Variants in LILRA1 observed in about 807,000 individuals in gnomAD.
LILRA1 encodes the protein leukocyte immunoglobulin like receptor A1.
In LILRA1, 51 loss-of-function variants were observed where a neutral mutation model predicts 51.6. That is an observed-to-expected ratio of 0.99 (90% CI 0.79 to 1.25). The LOEUF is 1.25. LILRA1 is among the 50% of genes most tolerant of loss of function. The pLI, the probability that LILRA1 is intolerant of heterozygous loss-of-function variation, is 0.00. For synonymous variants in LILRA1, 305 were observed against 248.4 expected, an observed-to-expected ratio of 1.23 and a Z score of -2.14; for missense variants, 660 against 611.7, an observed-to-expected ratio of 1.08 and a Z score of -0.83.
At chr19:54,595,040 C>T (rs1600262411) in intron 4 of LILRA1, 60 bp from the exon 5 acceptor site, 1 of 1,601,224 alleles carries the variant, frequency 6.2e-7, no homozygotes, top group African/African-American at 1.3e-5. Flanking sequence ...CACAGCCCAG[C>T]CCTGGGGATG....
chr19:54,594,520 G>A (rs1287066621), intron 3 of LILRA1, 44 bp downstream of exon 3: 2 of 1,613,926 alleles, frequency 1.2e-6, no homozygotes, highest in East Asian at 2.2e-5. Flanking sequence ...TCCTCACTGG[G>A]GACAAGGGGC....
rs140811175 is a variant in LILRA1 at position 54,596,432 on chromosome 19, T to G, written c.1202T>G (p.Leu401Arg). The G allele has an allele frequency of 4.2e-4, 675 of 1,613,992 alleles. No homozygotes were observed. The highest frequency in any genetic ancestry group is 5.2e-4 in the Non-Finnish European group (612 of 1,180,020). ...GGGACCTACAGGTGCTACGGCTCACTCAGCTCCAACCCCTACCTGCTGTCT... is the reference window on the plus strand; with the variant it reads ...GGGACCTACAGGTGCTACGGCTCACGCAGCTCCAACCCCTACCTGCTGTCT... The part of the protein sequence containing the change: ...HSGTYRCYGS[L>R]SSNPYLLSHP... The change falls in exon 7 of 10, where the codon CTC (leucine) becomes CGC (arginine). Residue 401 changes from leucine to arginine, a missense_variant. Leu to Arg is a moderately radical substitution (Grantham distance 102). Transcript: ENST00000251372.
Position 54,595,093 on chromosome 19 carries a change from C to G in LILRA1, c.359-7C>G, listed in dbSNP as rs369850941. The G allele has an allele frequency of 2.8e-5, 45 of 1,611,612 alleles. No homozygotes were observed. The African/African-American group carries it at 5.5e-4, about 20-fold the overall frequency. ...CCCATTTAACATGGTGCCTCCTTCT[C>G]TCCTAGGAGCCTACATCAAACCCAC... On this transcript the variant is annotated splice_polypyrimidine_tract_variant and splice_region_variant and intron_variant, in intron 4 of 9. Transcript: ENST00000251372.
intron 7 of LILRA1, among the ~76,000 whole-genome samples, chr19:54,596,759 C>T (rs553825327): frequency 5.3e-5 from 8 of 152,080 alleles, no homozygotes; most frequent in South Asian, 2.1e-4. Context: ...CCCAGGTACT[C>T]GGGAGGCTGA....
intron 7 of LILRA1, among the ~76,000 whole-genome samples, chr19:54,597,463 T>A (rs1435969181): frequency 7.3e-5 from 11 of 151,714 alleles, no homozygotes; most frequent in African/African-American, 2.4e-4. Context: ...CATAACAAAA[T>A]CTCTCCAATT....
In LILRA1 at chr19:54,593,718, T is replaced by G; in HGVS notation, c.-112T>G. 1.8e-6 allele frequency: 1 copy of G among 542,440 alleles called. No homozygotes were observed. The allele number at this position is 542,440 out of a possible 1,614,324, so 33.6% of individuals were successfully genotyped here. A position where few individuals can be genotyped will look rare whatever the true frequency, so the allele number is the denominator to read the frequency against. ...AGATGCTTCTCTGCTGATCTGAGTC[T>G]GCCTGCAGCATGGACCTTGGTCTTC... is the stretch of plus-strand genomic sequence containing the variant. On this transcript the variant is annotated 5_prime_UTR_variant, in exon 1 of 10. Transcript: ENST00000251372.
intron 7 of LILRA1, among the ~76,000 whole-genome samples, chr19:54,599,026 C>G (rs1600274954): frequency 6.6e-6 from 1 of 152,094 alleles, no homozygotes; most frequent in African/African-American, 2.4e-5. Context: ...GAACTCCTGA[C>G]CTCATGATCT....
At chr19:54,599,774 C>T (rs981566825) in intron 8 of LILRA1, 5 of 350,332 alleles carry the variant, frequency 1.4e-5, no homozygotes, top group African/African-American at 1.1e-4. Context: ...TAAGTATATC[C>T]AAATTCATTT....
Position 54,595,923 on chromosome 19 carries a change from A to T in LILRA1, c.946A>T (p.Ile316Phe), listed in dbSNP as rs762820110. The change falls in exon 6 of 10, where the codon ATC (isoleucine) becomes TTC (phenylalanine). Residue 316 changes from isoleucine (I) to phenylalanine (F), a missense_variant. Transcript: ENST00000251372. ...GTCGGCCCCCAGCGACCCCCTGGACATCCTGATCGCAGGTGAGGAGCCCAG... is the reference window on the plus strand; with the variant it reads ...GTCGGCCCCCAGCGACCCCCTGGACTTCCTGATCGCAGGTGAGGAGCCCAG... ...EWSAPSDPLD[I>F]LIAGQFRGRP... 3 of 1,612,830 alleles carry T rather than the reference A, an allele frequency of 1.9e-6. No individual in the cohort carries two copies. Among genetic ancestry groups the T allele is most frequent in the Non-Finnish European group, 2.5e-6 (3 of 1,179,940 alleles).
At position 54,596,286 on chromosome 19, in the gene LILRA1, C is replaced by T; in HGVS notation, c.1056C>T (p.Phe352=). 2 of 1,612,996 alleles carry T rather than the reference C, an allele frequency of 1.2e-6. No individual in the cohort carries two copies. Among genetic ancestry groups the T allele is most frequent in the Non-Finnish European group, 1.7e-6 (2 of 1,179,766 alleles). ...TGCTGTGTCAGTCATGGGGGCCGTTCCACACTTTCCTTCTGACCAAGGCGG... is the reference window on the plus strand; with the variant it reads ...TGCTGTGTCAGTCATGGGGGCCGTTTCACACTTTCCTTCTGACCAAGGCGG... The part of the protein sequence containing the change: ...VTLLCQSWGP[F]HTFLLTKAGA... Residue 352 remains phenylalanine (F), a synonymous_variant, in exon 7 of 10, where the codon TTC becomes TTT. Coordinates refer to ENST00000251372, the MANE Select transcript of LILRA1 (RefSeq NM_006863.4).
chr19:54,600,495 T>C lies in LILRA1; in HGVS notation c.1313-17T>C, dbSNP rs2063144019. 2 of 1,613,938 alleles carry C rather than the reference T, an allele frequency of 1.2e-6. No individual in the cohort carries two copies. The highest frequency in any genetic ancestry group is 1.7e-6 in the Non-Finnish European group (2 of 1,179,910). On this transcript the variant is annotated splice_polypyrimidine_tract_variant and intron_variant, in intron 8 of 9. Transcript: ENST00000251372. Reference sequence around the variant, plus strand: ...AGAGGCTGGCTCAGGGCTCTTCCCCTCTGTTTTTATTCTCAGGAGCAGCTA... The same window carrying C: ...AGAGGCTGGCTCAGGGCTCTTCCCCCCTGTTTTTATTCTCAGGAGCAGCTA...
In LILRA1 at chr19:54,596,584, T is replaced by G. The variant is rs116588659; in HGVS notation, c.1261+93T>G. 4.5e-4 allele frequency: 694 copies of G among 1,551,144 alleles called. 2 individuals carry two copies. The African/African-American group carries it at 6.2e-3, about 14-fold the overall frequency. On this transcript the variant is annotated intron_variant, in intron 7 of 9. Coordinates refer to ENST00000251372, the MANE Select transcript of LILRA1 (RefSeq NM_006863.4). ...TCTGGACACTAAGAAAAGAGGGGAGTTGGCTGGGCACGGTGGCTTACACCT... is the reference window on the plus strand; with the variant it reads ...TCTGGACACTAAGAAAAGAGGGGAGGTGGCTGGGCACGGTGGCTTACACCT...
intron 1 of LILRA1, 77 bp downstream of exon 1, chr19:54,593,858 A>G (rs984912723): frequency 7.0e-5 from 39 of 555,300 alleles, no homozygotes; most frequent in Non-Finnish European, 1.1e-4. Context: ...TGAGAAGGAA[A>G]GGGAAGCCTC....
rs2146056474 is a variant in LILRA1 at position 54,594,474 on chromosome 19, C to T, written c.68C>T (p.Ala23Val). Residue 23 changes from alanine to valine, a missense_variant and splice_region_variant, in exon 3 of 10, where the codon GCA becomes GTA. Coordinates refer to ENST00000251372, the MANE Select transcript of LILRA1 (RefSeq NM_006863.4). ...CTGGGCCCCCGGACCCACGTGCAGG[C>T]AGGTGAGTCTGTCCCCAGCTCTCCC... The part of the protein sequence containing the change: ...LSLGPRTHVQ[A>V]GTLPKPTLWA... The T allele has an allele frequency of 5.0e-6, 8 of 1,614,146 alleles. No individual in the cohort carries two copies. The highest frequency in any genetic ancestry group is 6.8e-6 in the Non-Finnish European group (8 of 1,180,016).
At position 54,594,901 on chromosome 19, in the gene LILRA1, C is replaced by G. The variant is rs148109850; in HGVS notation, c.307C>G (p.His103Asp). The G allele has an allele frequency of 7.4e-6, 12 of 1,613,128 alleles. No homozygotes were observed. In the African/African-American group the frequency reaches 1.1e-4, roughly 15 times the overall value. The part of the protein sequence containing the change: ...TGRYRCFYGS[H>D]TAGWSEPSDP... Reference sequence around the variant, plus strand: ...GCGGTATCGCTGTTTCTACGGTAGCCACACTGCAGGCTGGTCAGAGCCCAG... The same window carrying G: ...GCGGTATCGCTGTTTCTACGGTAGCGACACTGCAGGCTGGTCAGAGCCCAG... The change falls in exon 4 of 10, where the codon CAC becomes GAC. Residue 103 changes from histidine to aspartate, a missense_variant. By Grantham distance (81) the His-to-Asp change is moderately conservative (BLOSUM62 -1). Transcript: ENST00000251372.
intron 8 of LILRA1, 78 bp downstream of exon 8, chr19:54,599,364 G>A (rs2063125757): frequency 6.8e-7 from 1 of 1,476,610 alleles, no homozygotes; most frequent in African/African-American, 1.4e-5. Flanking sequence ...GGTGTCCTGG[G>A]TGGACATTTT....
rs1202922480 is a variant in LILRA1, at chr19:54,600,763, G to C, written c.1416G>C (p.Leu472=). The C allele has an allele frequency of 5.0e-6, 8 of 1,614,154 alleles. No individual in the cohort carries two copies. Among genetic ancestry groups the C allele is most frequent in the Admixed American group, 3.3e-5 (2 of 60,024 alleles). Residue 472 remains leucine (L), a synonymous_variant, in exon 10 of 10, where the codon CTG becomes CTC. Coordinates refer to ENST00000251372, the MANE Select transcript of LILRA1 (RefSeq NM_006863.4). ...GCATGGGCATAGCTGGCTTGGTCCT[G>C]GTGGTCCTCGGGATTCTGCTATTTG... is the stretch of plus-strand genomic sequence containing the variant. ...LIRMGIAGLV[L]VVLGILLFEA...
At position 54,596,259 on chromosome 19, in the gene LILRA1, C is replaced by T; in HGVS notation, c.1029C>T (p.Thr343=). The change falls in exon 7 of 10, where the codon ACC becomes ACT. Residue 343 remains threonine, a synonymous_variant. Transcript: ENST00000251372. ...CGGTGGCCTCAGGAGAGAACGTGAC[C>T]CTGCTGTGTCAGTCATGGGGGCCGT... ...GPTVASGENV[T]LLCQSWGPFH... is the part of the protein sequence containing the mutation. 1 of 1,614,062 alleles carries T rather than the reference C, an allele frequency of 6.2e-7. No individual in the cohort carries two copies. The highest frequency in any genetic ancestry group is 8.5e-7 in the Non-Finnish European group (1 of 1,180,016).
rs1316233253 is a variant in LILRA1 at position 54,596,639 on chromosome 19, G to A, written c.1261+148G>A. 1.0e-4 allele frequency: 116 copies of A among 1,117,152 alleles called. 1 individual carries two copies. Among genetic ancestry groups the A allele is most frequent in the East Asian group, 6.2e-4 (25 of 40,300 alleles). The allele number at this position is 1,117,152 out of a possible 1,614,324, so 69.2% of individuals were successfully genotyped here. ...TCCCAGCACTTTGGGAGGCCCAGGCGGGTGGATCAGGAGGCCAGGAGATCG... is the reference window on the plus strand; with the variant it reads ...TCCCAGCACTTTGGGAGGCCCAGGCAGGTGGATCAGGAGGCCAGGAGATCG... On this transcript the variant is annotated intron_variant, in intron 7 of 9. Transcript: ENST00000251372.
Sources: allele counts gnomAD v4.1 joint callset (sites outside exome capture counted in the v4.1 genomes callset), GRCh38; gene constraint gnomAD v4.1.1; transcripts MANE v1.5; gene names NCBI Gene and HGNC (gene_info 2026-07-23, HGNC 2026-07-21).